SUSD6: variants seen among roughly 807,000 people sequenced by gnomAD.
The protein encoded by SUSD6 is sushi domain containing 6.
A neutral mutation model predicts 28.4 loss-of-function variants in SUSD6; 16 were observed. The ratio of observed to expected loss-of-function variants is 0.56; its 90% CI spans 0.38 to 0.86. The LOEUF is 0.86. Ranked by LOEUF, SUSD6 falls within the 40% of genes least tolerant of loss-of-function variation. The pLI is 0.00. For missense variants in SUSD6, 341 were observed against 384.2 expected (o/e 0.89, Z 0.94); for synonymous variants, 147 against 159.6 (o/e 0.92, Z 0.59).
At chr14:69,688,165 T>C (rs1421339862) in intron 2 of SUSD6, among the ~76,000 whole-genome samples, 1 of 152,240 alleles carries the variant, frequency 6.6e-6, no homozygotes, top group Non-Finnish European at 1.5e-5. Context: ...TCTGCCCTAC[T>C]TCTGTTCCTC....
intron 1 of SUSD6, among the ~76,000 whole-genome samples, chr14:69,622,448 A>G (rs1446680411): frequency 6.6e-6 from 1 of 152,064 alleles, no homozygotes; most frequent in Non-Finnish European, 1.5e-5. Flanking sequence ...GATTACAGGC[A>G]TGAGCTACCA....
intron 1 of SUSD6, among the ~76,000 whole-genome samples, chr14:69,616,038 T>C (rs1378236840): frequency 1.3e-5 from 2 of 152,258 alleles, no homozygotes; most frequent in East Asian, 3.8e-4. Flanking sequence ...ATTTTATTTT[T>C]TGGCAAAGCC....
At chr14:69,654,281 A>G (rs867883812) in intron 1 of SUSD6, among the ~76,000 whole-genome samples, 3 of 152,376 alleles carry the variant, frequency 2.0e-5, no homozygotes, top group African/African-American at 7.2e-5. Flanking sequence ...CCTGCCTGTC[A>G]GATGCCAGGC....
At chr14:69,679,692 C>T (rs781059937) in intron 2 of SUSD6, among the ~76,000 whole-genome samples, 2 of 151,996 alleles carry the variant, frequency 1.3e-5, no homozygotes, top group Non-Finnish European at 2.9e-5. Flanking sequence ...TTGGACACCC[C>T]TGGTGTAAAG....
At position 69,712,046 on chromosome 14, in the gene SUSD6, C is replaced by T. The variant is rs1258637654; in HGVS notation, c.*1067C>T. On this transcript the variant is annotated 3_prime_UTR_variant, in exon 6 of 6. Transcript: ENST00000342745. Reference sequence around the variant, plus strand: ...GGAGGGGAGGCCGAGAGGCACAGACCAAGTCCCCGGGTGGCTGCAGGCAGC... The same window carrying T: ...GGAGGGGAGGCCGAGAGGCACAGACTAAGTCCCCGGGTGGCTGCAGGCAGC... 6.6e-6 allele frequency: 1 copy of T among 152,358 alleles called. No individual in the cohort carries two copies. The highest frequency in any genetic ancestry group is 2.4e-5 in the African/African-American group (1 of 41,460). The allele number at this position is 152,358 out of a possible 1,614,324, so 9.4% of individuals were successfully genotyped here.
intron 2 of SUSD6, among the ~76,000 whole-genome samples, chr14:69,661,379 A>C (rs76222597): frequency 0.037 from 5,694 of 152,114 alleles, 375 homozygotes; most frequent in African/African-American, 0.13. Flanking sequence ...AGGGATTATT[A>C]TTTTCCACTG....
chr14:69,694,564 C>T (rs1201864239), intron 2 of SUSD6, among the ~76,000 whole-genome samples: 1 of 152,214 alleles, frequency 6.6e-6, no homozygotes, highest in Non-Finnish European at 1.5e-5. Context: ...ACTGCATGTG[C>T]TTTCAGTTCA....
intron 1 of SUSD6, among the ~76,000 whole-genome samples, chr14:69,636,644 C>T (rs1026844866): frequency 6.6e-6 from 1 of 152,224 alleles, no homozygotes; most frequent in East Asian, 1.9e-4. Context: ...CCAGAAGAGG[C>T]AGGTAGCCAG....
rs147991540 is a variant in SUSD6 at position 69,708,187 on chromosome 14, A to C, written c.459-490A>C. On this transcript the variant is annotated intron_variant, in intron 4 of 5. Coordinates refer to ENST00000342745, the MANE Select transcript of SUSD6 (RefSeq NM_014734.4). ...TAACAGCTTTATTGAGATATATTCCACATACCATACAGTGTACCTATTTAA... is the reference window on the plus strand; with the variant it reads ...TAACAGCTTTATTGAGATATATTCCCCATACCATACAGTGTACCTATTTAA... Among the ~76,000 whole-genome samples, 109 of 152,342 alleles carry C rather than the reference A, an allele frequency of 7.2e-4. 1 individual carries two copies. In the South Asian group the frequency reaches 0.015, roughly 21 times the overall value.
chr14:69,679,247 T>G (rs963465199), intron 2 of SUSD6, among the ~76,000 whole-genome samples: 11 of 152,250 alleles, frequency 7.2e-5, no homozygotes, highest in Non-Finnish European at 1.6e-4. Context: ...ATTAAGATGC[T>G]ATATTACATA....
At position 69,714,395 on chromosome 14, in the gene SUSD6, G is replaced by A. The variant is rs1320492584; in HGVS notation, c.*3416G>A. The A allele has an allele frequency of 1.3e-5, 2 of 151,868 alleles. No homozygotes were observed. Among genetic ancestry groups the A allele is most frequent in the Non-Finnish European group, 2.9e-5 (2 of 68,002 alleles). 9.4% of individuals were successfully genotyped at this position (151,868 alleles called of 1,614,324 possible). Reference sequence around the variant, plus strand: ...TTTCCGAGGAACATCCTTGCGTAGAGAATGAAATATGCTGCAATCATTTCT... The same window carrying A: ...TTTCCGAGGAACATCCTTGCGTAGAAAATGAAATATGCTGCAATCATTTCT... On this transcript the variant is annotated 3_prime_UTR_variant, in exon 6 of 6. Transcript: ENST00000342745.
rs552785846 is a variant in SUSD6 at position 69,708,671 on chromosome 14, C to T, written c.459-6C>T. 3 of 1,551,398 alleles carry T rather than the reference C, an allele frequency of 1.9e-6. No homozygotes were observed. The Admixed American group carries it at 5.9e-5, about 30-fold the overall frequency. On this transcript the variant is annotated splice_region_variant and splice_polypyrimidine_tract_variant and intron_variant, in intron 4 of 5. Transcript: ENST00000342745. ...TCATCCTTTGTCTTTTCCTCCTCCA[C>T]TCCAGGCGTGACCAGGGGGTATCTG...
At chr14:69,612,451 CAG>C (rs572278475) in intron 1 of SUSD6, among the ~76,000 whole-genome samples, 33 of 152,146 alleles carry the variant, frequency 2.2e-4, no homozygotes, top group African/African-American at 7.7e-4. Context: ...CACGTACATA[CAG>C]ACTTTCCTTT....
rs910819411 is a variant in SUSD6 at position 69,694,830 on chromosome 14, C to T, written c.122-8565C>T. ...GGGCCCAGGCCTAAAACAAGATGGACAGGTCCGAGGCCTGTCCCACCTGTC... is the reference window on the plus strand; with the variant it reads ...GGGCCCAGGCCTAAAACAAGATGGATAGGTCCGAGGCCTGTCCCACCTGTC... On this transcript the variant is annotated intron_variant, in intron 2 of 5. Transcript: ENST00000342745. Among the ~76,000 whole-genome samples the T allele has an allele frequency of 5.3e-5, 8 of 152,148 alleles. 1 individual carries two copies. The highest frequency in any genetic ancestry group is 1.2e-4 in the Non-Finnish European group (8 of 68,022).
At chr14:69,704,821 C>T in intron 4 of SUSD6, 79 bp downstream of exon 4, 1 of 1,492,350 alleles carries the variant, frequency 6.7e-7, no homozygotes, top group Non-Finnish European at 9.1e-7. Context: ...TGGAGGGTTG[C>T]TGGTGGCCCC....
chr14:69,711,365 C>G lies in SUSD6; in HGVS notation c.*386C>G. On this transcript the variant is annotated 3_prime_UTR_variant, in exon 6 of 6. Transcript: ENST00000342745. ...GTGTTTACTTGTGCCTTTCCCCCAC[C>G]CTGTCCAGTTTCCCTGTCATGCAGA... 4.0e-6 allele frequency: 1 copy of G among 252,728 alleles called. No homozygotes were observed. Among genetic ancestry groups the G allele is most frequent in the South Asian group, 5.5e-5 (1 of 18,312 alleles). 15.7% of individuals were successfully genotyped at this position (252,728 alleles called of 1,614,324 possible). A position where few individuals can be genotyped will look rare whatever the true frequency, so the allele number is the denominator to read the frequency against.
intron 1 of SUSD6, among the ~76,000 whole-genome samples, chr14:69,626,136 A>T (rs1193680130): frequency 6.6e-6 from 1 of 151,992 alleles, no homozygotes; most frequent in Non-Finnish European, 1.5e-5. Flanking sequence ...GCCCTGAGTG[A>T]TTTCTGCCTA....
chr14:69,613,286 C>T (rs767837688), intron 1 of SUSD6, among the ~76,000 whole-genome samples: 1 of 152,198 alleles, frequency 6.6e-6, no homozygotes, highest in African/African-American at 2.4e-5. Context: ...TTAAATAACT[C>T]GCCCATGTCA....
At chr14:69,659,652 G>T (rs1212313221) in intron 2 of SUSD6, among the ~76,000 whole-genome samples, 2 of 152,110 alleles carry the variant, frequency 1.3e-5, no homozygotes, top group Non-Finnish European at 2.9e-5. Context: ...CGAGTAGCTG[G>T]GACTACAGGC....
Sources: gnomAD v4.1 joint callset for allele counts (sites outside exome capture counted in the v4.1 genomes callset) on GRCh38, gnomAD v4.1.1 for gene constraint, MANE v1.5 for transcripts, NCBI Gene and HGNC (gene_info 2026-07-23, HGNC 2026-07-21) for gene names.